The following KCNH5 variants were observed in gnomAD, a reference collection of about 807,000 sequenced individuals.
KCNH5 encodes the protein voltage-gated delayed rectifier potassium channel KCNH5.
In KCNH5, 46 loss-of-function variants were observed where a neutral mutation model predicts 96.1. The ratio of observed to expected loss-of-function variants is 0.48; its 90% CI spans 0.38 to 0.61. KCNH5 has a LOEUF of 0.61. KCNH5 is among the 20% of genes least tolerant of loss of function. The pLI, the probability that KCNH5 is intolerant of heterozygous loss-of-function variation, is 0.00. For missense variants in KCNH5, 907 were observed against 1,225.8 expected (o/e 0.74, Z 3.88); for synonymous variants, 439 against 449.8 (o/e 0.98, Z 0.30).
intron 7 of KCNH5, among the ~76,000 whole-genome samples, chr14:62,917,974 T>C (rs965776843): frequency 2.6e-5 from 4 of 152,182 alleles, no homozygotes; most frequent in Non-Finnish European, 1.5e-5. Flanking sequence ...TTAACCTTCC[T>C]CTTTCTCTGC....
intron 7 of KCNH5, among the ~76,000 whole-genome samples, chr14:62,873,408 T>C (rs2140068560): frequency 6.6e-6 from 1 of 152,264 alleles, no homozygotes; most frequent in East Asian, 1.9e-4. Context: ...TTTGTAATTG[T>C]TTCAGGTATT....
intron 7 of KCNH5, among the ~76,000 whole-genome samples, chr14:62,918,726 G>T (rs903183224): frequency 1.3e-5 from 2 of 151,936 alleles, no homozygotes; most frequent in African/African-American, 2.4e-5. Context: ...ATCACCATTT[G>T]CAAGGAATAA....
intron 10 of KCNH5, among the ~76,000 whole-genome samples, chr14:62,715,971 C>G (rs1392476605): frequency 6.6e-6 from 1 of 152,210 alleles, no homozygotes; most frequent in Non-Finnish European, 1.5e-5. Context: ...ATTACTAATA[C>G]AGTTACTGAA....
intron 9 of KCNH5, among the ~76,000 whole-genome samples, chr14:62,800,285 GT>G (rs1407058182): frequency 6.6e-6 from 1 of 152,124 alleles, no homozygotes; most frequent in Non-Finnish European, 1.5e-5. Flanking sequence ...ATAATAAAAT[GT>G]GACAGATATA....
chr14:62,972,382 T>C lies in KCNH5; in HGVS notation c.942+8490A>G, dbSNP rs187759462. Among the ~76,000 whole-genome samples, 83 of 152,302 alleles carry C rather than the reference T, an allele frequency of 5.4e-4. No homozygotes were observed. The Middle Eastern group carries it at 0.031, about 56-fold the overall frequency. On this transcript the variant is annotated intron_variant, in intron 6 of 10. Transcript: ENST00000322893. ...TGGCAAGGATGTGGAACAACAGAAATTCTCATTCATCGCTGATGGGAATAC... is the reference window on the plus strand; with the variant it reads ...TGGCAAGGATGTGGAACAACAGAAACTCTCATTCATCGCTGATGGGAATAC...
chr14:62,791,425 T>C (rs1004206525), intron 9 of KCNH5, among the ~76,000 whole-genome samples: 3 of 151,566 alleles, frequency 2.0e-5, no homozygotes, highest in African/African-American at 7.3e-5. Flanking sequence ...AGTCTTTACC[T>C]ATCAATACCC....
intron 7 of KCNH5, among the ~76,000 whole-genome samples, chr14:62,909,850 T>C (rs964814121): frequency 4.6e-5 from 7 of 152,228 alleles, no homozygotes; most frequent in African/African-American, 1.7e-4. Context: ...CACACTCTGC[T>C]CCTTATATGC....
intron 10 of KCNH5, among the ~76,000 whole-genome samples, chr14:62,754,273 A>G (rs2050407050): frequency 6.6e-6 from 1 of 152,176 alleles, no homozygotes; most frequent in African/African-American, 2.4e-5. Context: ...ATAAAAAGCA[A>G]GAAATTAAAA....
At chr14:63,014,491 C>T (rs1891287287) in intron 2 of KCNH5, among the ~76,000 whole-genome samples, 1 of 152,104 alleles carries the variant, frequency 6.6e-6, no homozygotes, top group Non-Finnish European at 1.5e-5. Context: ...CACACCAGCA[C>T]TTATTTTCTT....
At chr14:63,021,794 C>G (rs1891432716) in intron 1 of KCNH5, among the ~76,000 whole-genome samples, 1 of 152,086 alleles carries the variant, frequency 6.6e-6, no homozygotes. Flanking sequence ...TAACCACTCC[C>G]CTCTTAAAAG....
At chr14:62,937,506 G>A (rs1427159420) in intron 7 of KCNH5, among the ~76,000 whole-genome samples, 1 of 152,126 alleles carries the variant, frequency 6.6e-6, no homozygotes, top group Non-Finnish European at 1.5e-5. Context: ...CCTTCCTAAG[G>A]GGAGAGTCAG....
intron 7 of KCNH5, among the ~76,000 whole-genome samples, chr14:62,937,241 G>C (rs940853328): frequency 6.6e-6 from 1 of 152,014 alleles, no homozygotes; most frequent in African/African-American, 2.4e-5. Flanking sequence ...TGGTCTTACC[G>C]TATGTCTGGA....
In KCNH5 at chr14:62,754,206, T is replaced by A. The variant is rs574496385; in HGVS notation, c.2019+25522A>T. On this transcript the variant is annotated intron_variant, in intron 10 of 10. Coordinates refer to ENST00000322893, the MANE Select transcript of KCNH5 (RefSeq NM_139318.5). ...CTTAAAATAATTGGTTATAATATAT[T>A]ATTCGCAAGCTTCATGGTAACCTCA... Among the ~76,000 whole-genome samples, 5 of 152,252 alleles carry A rather than the reference T, an allele frequency of 3.3e-5. No homozygotes were observed. In the East Asian group the frequency reaches 9.6e-4, roughly 29 times the overall value.
chr14:62,870,107 T>C lies in KCNH5; in HGVS notation c.1370-20255A>G, dbSNP rs1398157764. ...GAGACCTTTTAGGAAGTAAGTAAAT[T>C]TCTTTTCTTTATAAGTCTCCCAACA... On this transcript the variant is annotated intron_variant, in intron 7 of 10. Transcript: ENST00000322893. Among the ~76,000 whole-genome samples the C allele has an allele frequency of 2.0e-5, 3 of 148,506 alleles. No homozygotes were observed. The East Asian group carries it at 5.8e-4, about 29-fold the overall frequency.
intron 2 of KCNH5, among the ~76,000 whole-genome samples, chr14:63,015,475 T>C (rs752043773): frequency 4.6e-5 from 7 of 152,044 alleles, no homozygotes; most frequent in Non-Finnish European, 1.0e-4. Context: ...CTCTCTGCCT[T>C]TCTCTCTCTG....
At chr14:62,766,757 T>A (rs531164736) in intron 10 of KCNH5, among the ~76,000 whole-genome samples, 1 of 152,058 alleles carries the variant, frequency 6.6e-6, no homozygotes, top group Non-Finnish European at 1.5e-5. Context: ...AAATAAGACC[T>A]AGTATTTGAT....
chr14:62,991,742 C>G (rs2139580099), intron 4 of KCNH5, among the ~76,000 whole-genome samples: 1 of 152,130 alleles, frequency 6.6e-6, no homozygotes, highest in African/African-American at 2.4e-5. Flanking sequence ...TCTCACAACA[C>G]CTATGCTGTC....
At chr14:62,785,140 G>C (rs1241269069) in intron 9 of KCNH5, among the ~76,000 whole-genome samples, 1 of 152,114 alleles carries the variant, frequency 6.6e-6, no homozygotes, top group Non-Finnish European at 1.5e-5. Flanking sequence ...GGCTTTCTAT[G>C]TCACCTATGA....
rs76559148 is a variant in KCNH5 at position 62,731,984 on chromosome 14, C to G, written c.2020-23529G>C. On this transcript the variant is annotated intron_variant, in intron 10 of 10. Coordinates refer to ENST00000322893, the MANE Select transcript of KCNH5 (RefSeq NM_139318.5). ...GGGCACATGTGATCGTGTAGAAACT[C>G]TAGCCATCAATAGGGCTTCCCATAA... Among the ~76,000 whole-genome samples, 565 of 152,322 alleles carry G rather than the reference C, an allele frequency of 3.7e-3. 12 individuals are homozygous for G. The East Asian group carries it at 0.065, about 17-fold the overall frequency.
Sources: allele counts gnomAD v4.1 joint callset (sites outside exome capture counted in the v4.1 genomes callset), GRCh38; gene constraint gnomAD v4.1.1; transcripts MANE v1.5; gene names NCBI Gene and HGNC (gene_info 2026-07-23, HGNC 2026-07-21).